Variants in NBEAL2 observed in about 807,000 individuals in gnomAD.
NBEAL2 encodes the protein neurobeachin like 2, also known as neurobeachin-like protein 2.
Under a neutral mutation model 299.8 loss-of-function variants are expected in NBEAL2, and 160 were observed. That is an observed-to-expected ratio of 0.53 (90% CI 0.47 to 0.61). The LOEUF (loss-of-function observed/expected upper bound fraction) is 0.61, where lower values mean the gene tolerates loss of function less well. Among genes scored for constraint, NBEAL2 ranks in the 20% least tolerant of loss-of-function variants. NBEAL2 has a pLI of 0.00. For missense variants in NBEAL2, 3,112 were observed against 3,649.0 expected (o/e 0.85, Z 3.79); for synonymous variants, 1,493 against 1,542.3 (o/e 0.97, Z 0.75).
In NBEAL2 at chr3:47,007,485, T is replaced by C. The variant is rs114496665; in HGVS notation, c.7335-40T>C. 21 of 1,588,772 alleles carry C rather than the reference T, an allele frequency of 1.3e-5. No homozygotes were observed. In the African/African-American group the frequency reaches 2.5e-4, roughly 19 times the overall value. Reference sequence around the variant, plus strand: ...TCCCTGAGGGCCTGGGTCTCTTCCATGTGGCCTGGCCTCACTTGCTATCCC... The same window carrying C: ...TCCCTGAGGGCCTGGGTCTCTTCCACGTGGCCTGGCCTCACTTGCTATCCC... On this transcript the variant is annotated intron_variant, in intron 47 of 53. Coordinates refer to ENST00000450053, the MANE Select transcript of NBEAL2 (RefSeq NM_015175.3).
chr3:46,981,218 G>A (rs551304718), intron 1 of NBEAL2, among the ~76,000 whole-genome samples: 21 of 152,246 alleles, frequency 1.4e-4, no homozygotes, highest in African/African-American at 5.1e-4. Flanking sequence ...GCCGAGGCGG[G>A]CAGATCACAA....
chr3:46,997,842 T>A, intron 20 of NBEAL2, 148 bp downstream of exon 20: 1 of 1,272,666 alleles, frequency 7.9e-7, no homozygotes, highest in Non-Finnish European at 1.0e-6. Context: ...CAGGGTTGGG[T>A]CTGGAGGATC....
At chr3:47,002,833 G>A in intron 33 of NBEAL2, 31 bp downstream of exon 33, 1 of 1,548,378 alleles carries the variant, frequency 6.5e-7, no homozygotes, top group Admixed American at 1.8e-5. Flanking sequence ...GGTCGCTGTG[G>A]AGGGGTGGGG....
chr3:46,998,191 A>G lies in NBEAL2; in HGVS notation c.3083A>G (p.His1028Arg). ...TACCAGCATTTGCTCTTCAACTTTC[A>G]CCTCTGGACCCTCAGTGACTTCGCC... Reference protein sequence around the residue: ...LLYQHLLFNFHLWTLSDFAVR... With the variant: ...LLYQHLLFNFRLWTLSDFAVR... Residue 1028 changes from histidine (H) to arginine (R), a missense_variant, in exon 21 of 54, where the codon CAC becomes CGC. His to Arg is a conservative substitution (Grantham distance 29). Around this residue, in one of 3 missense-constraint regions of NBEAL2, gnomAD observed 2,243 missense variants for 2,538.1 expected, o/e 0.88. Coordinates refer to ENST00000450053, the MANE Select transcript of NBEAL2 (RefSeq NM_015175.3). 3 of 1,609,674 alleles carry G rather than the reference A, an allele frequency of 1.9e-6. No individual in the cohort carries two copies. Among genetic ancestry groups the G allele is most frequent in the Non-Finnish European group, 2.5e-6 (3 of 1,178,224 alleles).
chr3:46,996,482 C>T lies in NBEAL2; in HGVS notation c.2363C>T (p.Thr788Ile). Residue 788 changes from threonine to isoleucine, a missense_variant, in exon 16 of 54, where the codon ACC (threonine) becomes ATC (isoleucine). Thr to Ile is a moderately conservative substitution (Grantham distance 89). Transcript: ENST00000450053. Reference sequence around the variant, plus strand: ...AGCATCGACTCTACCCTCGCAGGCACCCAGGACACTCGGTGGGGCAGCCCC... The same window carrying T: ...AGCATCGACTCTACCCTCGCAGGCATCCAGGACACTCGGTGGGGCAGCCCC... ...EGSIDSTLAG[T>I]QDTRWGSPTS... 1 of 1,593,996 alleles carries T rather than the reference C, an allele frequency of 6.3e-7. No individual in the cohort carries two copies. Among genetic ancestry groups the T allele is most frequent in the Non-Finnish European group, 8.6e-7 (1 of 1,168,534 alleles).
At position 47,002,756 on chromosome 3, in the gene NBEAL2, G is replaced by T; in HGVS notation, c.5413G>T (p.Ala1805Ser). The T allele has an allele frequency of 6.4e-7, 1 of 1,573,758 alleles. No individual in the cohort carries two copies. Among genetic ancestry groups the T allele is most frequent in the Non-Finnish European group, 8.6e-7 (1 of 1,164,464 alleles). The stretch of plus-strand genomic sequence containing the variant: ...CTCCATGGCCCTGCTGCACTGGGGG[G>T]CGCTGTGGCGCCAGCTCGCCAGCCC... Reference protein sequence around the residue: ...QHSMALLHWGALWRQLASPCG... With the variant: ...QHSMALLHWGSLWRQLASPCG... The change falls in exon 33 of 54, where the codon GCG becomes TCG. Residue 1805 changes from alanine to serine, a missense_variant. Around this residue, in one of 3 missense-constraint regions of NBEAL2, gnomAD observed 2,243 missense variants for 2,538.1 expected, o/e 0.88. Coordinates refer to ENST00000450053, the MANE Select transcript of NBEAL2 (RefSeq NM_015175.3).
In NBEAL2 at chr3:47,003,126, G is replaced by A. The variant is rs373432087; in HGVS notation, c.5584+45G>A. The A allele has an allele frequency of 5.7e-5, 91 of 1,609,842 alleles. No homozygotes were observed. The highest frequency in any genetic ancestry group is 6.8e-5 in the Non-Finnish European group (80 of 1,177,448). On this transcript the variant is annotated intron_variant, in intron 34 of 53. Coordinates refer to ENST00000450053, the MANE Select transcript of NBEAL2 (RefSeq NM_015175.3). The surrounding 1 kb of genome is among the most constrained non-coding windows in gnomAD (Gnocchi z 7.0). Reference sequence around the variant, plus strand: ...TGGGTCCACCCAACTCGATTGTCCCGTCTCCTGTCCTGCCTTGCTTCTGCT... The same window carrying A: ...TGGGTCCACCCAACTCGATTGTCCCATCTCCTGTCCTGCCTTGCTTCTGCT...
chr3:46,997,347 C>T lies in NBEAL2; in HGVS notation c.2738C>T (p.Pro913Leu), dbSNP rs200616995. ...CAGCCCAAAGAGGCTGAAGCAGGTCCAGCTGAAACGCATGACCTCGTGGGT... is the reference window on the plus strand; with the variant it reads ...CAGCCCAAAGAGGCTGAAGCAGGTCTAGCTGAAACGCATGACCTCGTGGGT... ...AAQPKEAEAG[P>L]AETHDLVGPE... Residue 913 changes from proline (P) to leucine (L), a missense_variant, in exon 19 of 54, where the codon CCA becomes CTA. Pro to Leu is a moderately conservative substitution (Grantham distance 98). Coordinates refer to ENST00000450053, the MANE Select transcript of NBEAL2 (RefSeq NM_015175.3). 164 of 1,612,794 alleles carry T rather than the reference C, an allele frequency of 1.0e-4. No homozygotes were observed. The African/African-American group carries it at 1.9e-3, about 19-fold the overall frequency.
intron 18 of NBEAL2, 96 bp from the exon 19 acceptor site, chr3:46,997,163 A>G (rs1575603350): frequency 6.4e-7 from 1 of 1,568,430 alleles, no homozygotes; most frequent in East Asian, 2.3e-5. Context: ...GTCCAGCTCA[A>G]GAGAGCAAAA....
At position 46,996,493 on chromosome 3, in the gene NBEAL2, C is replaced by G; in HGVS notation, c.2374C>G (p.Arg792Gly). The G allele has an allele frequency of 6.3e-7, 1 of 1,585,818 alleles. No individual in the cohort carries two copies. Among genetic ancestry groups the G allele is most frequent in the Non-Finnish European group, 8.6e-7 (1 of 1,163,620 alleles). ...DSTLAGTQDT[R>G]WGSPTSLEGE... ...TACCCTCGCAGGCACCCAGGACACT[C>G]GGTGGGGCAGCCCCACATCCCTGGA... Residue 792 changes from arginine to glycine, a missense_variant, in exon 16 of 54, where the codon CGG (arginine) becomes GGG (glycine). Physicochemically the swap from Arg to Gly is moderately radical, Grantham distance 125 (BLOSUM62 -2). Around this residue, in one of 3 missense-constraint regions of NBEAL2, gnomAD observed 2,243 missense variants for 2,538.1 expected, o/e 0.88. Coordinates refer to ENST00000450053, the MANE Select transcript of NBEAL2 (RefSeq NM_015175.3).
In NBEAL2 at chr3:47,004,810, G is replaced by A; in HGVS notation, c.6295-162G>A. 8.4e-7 allele frequency: 1 copy of A among 1,187,166 alleles called. No homozygotes were observed. Among genetic ancestry groups the A allele is most frequent in the Non-Finnish European group, 1.2e-6 (1 of 844,900 alleles). 73.5% of individuals were successfully genotyped at this position (1,187,166 alleles called of 1,614,324 possible). On this transcript the variant is annotated intron_variant, in intron 38 of 53. Coordinates refer to ENST00000450053, the MANE Select transcript of NBEAL2 (RefSeq NM_015175.3). The surrounding 1 kb of genome is among the most constrained non-coding windows in gnomAD (Gnocchi z 5.0). ...GCCTCTATTCCTCAAAAGGAATCCT[G>A]TTCCAGGACACTCTGTCCTTCTCCC...
At chr3:46,987,924 C>A in intron 1 of NBEAL2, 1 of 1,154,052 alleles carries the variant, frequency 8.7e-7, no homozygotes. Flanking sequence ...GAAGCGGTCC[C>A]CCTCCCCCAC....
At chr3:46,981,203 G>A (rs2385872) in intron 1 of NBEAL2, among the ~76,000 whole-genome samples, 143,126 of 151,684 alleles carry the variant, frequency 0.94, 68,111 homozygotes, top group East Asian at 1. Flanking sequence ...CCAGCACTTT[G>A]GGAGGCCGAG....
rs781238691 is a variant in NBEAL2, at chr3:46,998,982, G to C, written c.3408G>C (p.Leu1136=). ...DGQAVGALDL[L]LALLHGSLVQ... Reference sequence around the variant, plus strand: ...AGGCGGTGGGTGCGCTGGACCTGCTGCTGGCCCTGCTGCACGGTTCCCTGG... The same window carrying C: ...AGGCGGTGGGTGCGCTGGACCTGCTCCTGGCCCTGCTGCACGGTTCCCTGG... The change falls in exon 24 of 54, where the codon CTG becomes CTC. Residue 1136 remains leucine, a synonymous_variant. Transcript: ENST00000450053. 6.2e-7 allele frequency: 1 copy of C among 1,607,410 alleles called. No homozygotes were observed. Among genetic ancestry groups the C allele is most frequent in the Non-Finnish European group, 8.5e-7 (1 of 1,177,188 alleles).
Position 46,979,854 on chromosome 3 carries a change from G to T in NBEAL2, c.-8G>T, listed in dbSNP as rs988548484. On this transcript the variant is annotated 5_prime_UTR_variant, in exon 1 of 54. Coordinates refer to ENST00000450053, the MANE Select transcript of NBEAL2 (RefSeq NM_015175.3). ...TGGCGCGCAGCAGGGCCGGAGCCGG[G>T]CCGGGCCATGGCCGCCTCGGAGCGG... 1.1e-5 allele frequency: 5 copies of T among 460,884 alleles called. No individual in the cohort carries two copies. The highest frequency in any genetic ancestry group is 5.5e-4 in the Middle Eastern group (1 of 1,814). 28.5% of individuals were successfully genotyped at this position (460,884 alleles called of 1,614,324 possible).
Position 46,991,709 on chromosome 3 carries a change from T to C in NBEAL2, c.925+21T>C. 17 of 1,587,490 alleles carry C rather than the reference T, an allele frequency of 1.1e-5. No individual in the cohort carries two copies. The highest frequency in any genetic ancestry group is 1.5e-5 in the Non-Finnish European group (17 of 1,171,674). ...GCTCGGTGGGTATGGGCTCCCAGGCTCTTGGGGAAGGGGCACCATGAGGGA... is the reference window on the plus strand; with the variant it reads ...GCTCGGTGGGTATGGGCTCCCAGGCCCTTGGGGAAGGGGCACCATGAGGGA... On this transcript the variant is annotated intron_variant, in intron 8 of 53. Transcript: ENST00000450053. The surrounding 1 kb of genome is among the most constrained non-coding windows in gnomAD (Gnocchi z 6.2).
Position 47,009,442 on chromosome 3 carries a change from GC to G in NBEAL2, c.*125del. 2 of 876,786 alleles carry G rather than the reference GC, an allele frequency of 2.3e-6. No individual in the cohort carries two copies. The highest frequency in any genetic ancestry group is 1.7e-5 in the African/African-American group (1 of 58,484). The allele number at this position is 876,786 out of a possible 1,614,324, so 54.3% of individuals were successfully genotyped here. ...CAGGGGGGTGAGCGGGGCCCACCCTGCCCAGCTCAGGGATTGGCGGGCGATG... is the reference window on the plus strand; with the variant it reads ...CAGGGGGGTGAGCGGGGCCCACCCTGCCAGCTCAGGGATTGGCGGGCGATG... On this transcript the variant is annotated 3_prime_UTR_variant, in exon 54 of 54. Transcript: ENST00000450053.
chr3:46,997,940 G>A, intron 20 of NBEAL2, 127 bp from the exon 21 acceptor site: 2 of 1,300,934 alleles, frequency 1.5e-6, no homozygotes, highest in Admixed American at 2.7e-5. Flanking sequence ...GCCCCCAAAG[G>A]GTTCTGAGCA....
Position 47,006,067 on chromosome 3 carries a change from G to T in NBEAL2, c.6919+4G>T, listed in dbSNP as rs769183186. The T allele has an allele frequency of 9.3e-6, 15 of 1,613,314 alleles. No homozygotes were observed. Among genetic ancestry groups the T allele is most frequent in the Admixed American group, 3.3e-5 (2 of 60,002 alleles). On this transcript the variant is annotated splice_donor_region_variant and intron_variant, in intron 43 of 53. Transcript: ENST00000450053. ...TTCTATTACTGCACCTATGAGGGTG[G>T]GCAGTGCGCTGGACTCCAGTCAGGG...
Sources: gnomAD v4.1 joint callset for allele counts (sites outside exome capture counted in the v4.1 genomes callset) on GRCh38, gnomAD v4.1.1 for gene constraint, gnomAD v4.1.1 regional missense constraint, Gnocchi (gnomAD v3.1) non-coding constraint, MANE v1.5 for transcripts, NCBI Gene and HGNC (gene_info 2026-07-23, HGNC 2026-07-21) for gene names.